The following WDSUB1 variants were observed in gnomAD, a reference collection of about 807,000 sequenced individuals.
WDSUB1 encodes the protein WD repeat, sterile alpha motif and U-box domain containing 1.
A neutral mutation model predicts 53.9 loss-of-function variants in WDSUB1; 49 were observed. That is an observed-to-expected ratio of 0.91 (90% CI 0.72 to 1.15). The LOEUF (loss-of-function observed/expected upper bound fraction) is 1.15, where lower values mean the gene tolerates loss of function less well. Ranked by LOEUF, WDSUB1 falls within the 50% of genes most tolerant of loss-of-function variation. WDSUB1 has a pLI of 0.00. For synonymous variants in WDSUB1, 194 were observed against 200.6 expected (o/e 0.97, Z 0.28); for missense variants, 514 against 562.0 (o/e 0.91, Z 0.86).
At chr2:159,259,774 C>G (rs776862373) in intron 6 of WDSUB1, 36 bp downstream of exon 6, 6 of 1,500,640 alleles carry the variant, frequency 4.0e-6, no homozygotes, top group Non-Finnish European at 5.4e-6. Context: ...ATAAACATAA[C>G]TTTCATAGAT....
intron 9 of WDSUB1, among the ~76,000 whole-genome samples, chr2:159,251,505 G>A (rs1232641313): frequency 3.3e-5 from 5 of 152,022 alleles, no homozygotes; most frequent in Non-Finnish European, 7.4e-5. Flanking sequence ...TCAGGGAAGC[G>A]TTTACTAAAC....
intron 9 of WDSUB1, among the ~76,000 whole-genome samples, chr2:159,253,723 T>C (rs1335400807): frequency 6.6e-6 from 1 of 152,214 alleles, no homozygotes; most frequent in Non-Finnish European, 1.5e-5. Context: ...TTCAATAGCA[T>C]ATATACTCAT....
rs534111298 is a variant in WDSUB1 at position 159,269,462 on chromosome 2, C to T, written c.770+2240G>A. 2.2e-4 allele frequency among the ~76,000 whole-genome samples: 33 copies of T among 152,200 alleles called. No homozygotes were observed. The South Asian group carries it at 4.6e-3, about 21-fold the overall frequency. ...CTGGGATTACAGGCATGAACCACCA[C>T]GCCCTGCCCAATATCATTCCAAGGA... On this transcript the variant is annotated intron_variant, in intron 5 of 10. Transcript: ENST00000359774.
At chr2:159,248,341 C>G (rs776542467) in intron 10 of WDSUB1, 31 bp downstream of exon 10, 12 of 1,600,358 alleles carry the variant, frequency 7.5e-6, no homozygotes, top group Non-Finnish European at 1.0e-5. Context: ...CACAAAACAT[C>G]CCCTGCAACT....
intron 10 of WDSUB1, among the ~76,000 whole-genome samples, chr2:159,243,788 T>C (rs868217932): frequency 6.6e-6 from 1 of 152,162 alleles, no homozygotes; most frequent in African/African-American, 2.4e-5. Context: ...TGCATACATA[T>C]GTTAACCAAA....
chr2:159,245,348 C>T (rs541461261), intron 10 of WDSUB1, among the ~76,000 whole-genome samples: 9 of 151,752 alleles, frequency 5.9e-5, no homozygotes, highest in South Asian at 2.1e-4. Context: ...ACCAACGTGG[C>T]GAAACCCCAT....
chr2:159,282,845 A>G lies in WDSUB1; in HGVS notation c.225T>C (p.Asp75=). The G allele has an allele frequency of 6.2e-7, 1 of 1,614,216 alleles. No individual in the cohort carries two copies. The highest frequency in any genetic ancestry group is 8.5e-7 in the Non-Finnish European group (1 of 1,180,030). The part of the protein sequence containing the change: ...SGHILASCST[D]GTTVLWNTEN... Reference sequence around the variant, plus strand: ...CAGTATTCCATAGGACAGTGGTACCATCTGTTGAACACGATGCCAAAATAT... The same window carrying G: ...CAGTATTCCATAGGACAGTGGTACCGTCTGTTGAACACGATGCCAAAATAT... The change falls in exon 2 of 11, where the codon GAT becomes GAC. Residue 75 remains aspartate, a synonymous_variant. Transcript: ENST00000359774.
chr2:159,248,379 G>T lies in WDSUB1; in HGVS notation c.1266C>A (p.Ile422=). 6.2e-7 allele frequency: 1 copy of T among 1,611,440 alleles called. No homozygotes were observed. Among genetic ancestry groups the T allele is most frequent in the Admixed American group, 1.7e-5 (1 of 59,590 alleles). The change falls in exon 10 of 11, where the codon ATC becomes ATA. Residue 422 remains isoleucine, a synonymous_variant. Transcript: ENST00000359774. Reference sequence around the variant, plus strand: ...GTATAGCATCACACATACCTGATGCGATGACCGGATCTTTCATAAGTTCTC... The same window carrying T: ...GTATAGCATCACACATACCTGATGCTATGACCGGATCTTTCATAAGTTCTC... ...ITRELMKDPV[I]ASDGYSYEKE...
intron 4 of WDSUB1, 96 bp from the exon 5 acceptor site, chr2:159,271,891 CTT>C: frequency 1.0e-6 from 1 of 979,218 alleles, no homozygotes; most frequent in East Asian, 2.7e-5. Context: ...AACAAATAAT[CTT>C]TGAGTGCCTA....
chr2:159,242,114 G>A (rs950803792), intron 10 of WDSUB1, among the ~76,000 whole-genome samples: 2 of 146,526 alleles, frequency 1.4e-5, no homozygotes, highest in Non-Finnish European at 3.0e-5. Flanking sequence ...GCAGTGGCAC[G>A]ATCTCGGCTC....
chr2:159,273,792 T>G (rs2061488039), intron 4 of WDSUB1, among the ~76,000 whole-genome samples: 1 of 152,226 alleles, frequency 6.6e-6, no homozygotes, highest in Non-Finnish European at 1.5e-5. Context: ...TGTCAACATA[T>G]TTTCCAGTAA....
chr2:159,275,713 T>A, intron 3 of WDSUB1, 75 bp from the exon 4 acceptor site: 1 of 1,112,382 alleles, frequency 9.0e-7, no homozygotes, highest in Non-Finnish European at 1.3e-6. Flanking sequence ...TTTCTTATAC[T>A]AAGATCTATT....
chr2:159,248,469 CT>C lies in WDSUB1; in HGVS notation c.1175del (p.Glu392GlyfsTer21). ...LRSKVLRKIEELRTKVKSLSS... is the reference protein window; with the variant it reads ...LRSKVLRKIEXLRTKVKSLSS... ...AAAGGGATTTAACCTTGGTCCTGAGCTCTTCAATTTTCCTCAGCACTTTACT... is the reference window on the plus strand; with the variant it reads ...AAAGGGATTTAACCTTGGTCCTGAGCCTTCAATTTTCCTCAGCACTTTACT... On this transcript the variant is annotated frameshift_variant, in exon 10 of 11. Coordinates refer to ENST00000359774, the MANE Select transcript of WDSUB1 (RefSeq NM_001128212.3). LOFTEE classifies it high-confidence loss of function. 1 of 1,582,498 alleles carries C rather than the reference CT, an allele frequency of 6.3e-7. No individual in the cohort carries two copies.
At chr2:159,278,142 C>A (rs1198228200) in intron 3 of WDSUB1, among the ~76,000 whole-genome samples, 2 of 152,146 alleles carry the variant, frequency 1.3e-5, no homozygotes, top group Non-Finnish European at 1.5e-5. Flanking sequence ...TTATATAATT[C>A]ACCACATTCA....
intron 5 of WDSUB1, among the ~76,000 whole-genome samples, chr2:159,269,989 C>T (rs2061416939): frequency 6.6e-6 from 1 of 152,140 alleles, no homozygotes; most frequent in South Asian, 2.1e-4. Context: ...GTAGTATCAA[C>T]AGTTCAGTAA....
intron 9 of WDSUB1, among the ~76,000 whole-genome samples, chr2:159,255,076 G>A (rs1164155935): frequency 6.6e-6 from 1 of 152,084 alleles, no homozygotes; most frequent in Non-Finnish European, 1.5e-5. Context: ...GCTGTAGTGA[G>A]CTGTGATCGC....
chr2:159,247,894 T>TATATATATATATAAAA (rs1553626820), intron 10 of WDSUB1, among the ~76,000 whole-genome samples: 2 of 43,818 alleles, frequency 4.6e-5, no homozygotes, highest in African/African-American at 1.1e-4. Context: ...TAAATATATA[T>TATATATATATATAAAA]ATATATATAT....
intron 9 of WDSUB1, among the ~76,000 whole-genome samples, chr2:159,255,362 G>A (rs1046561997): frequency 1.3e-5 from 2 of 152,118 alleles, no homozygotes; most frequent in Non-Finnish European, 2.9e-5. Flanking sequence ...AGCTACTCGG[G>A]AGGCTGAGGC....
At chr2:159,258,077 G>A in intron 6 of WDSUB1, 92 bp from the exon 7 acceptor site, 1 of 1,077,872 alleles carries the variant, frequency 9.3e-7, no homozygotes. Flanking sequence ...TGTATACTAA[G>A]TGGATATATT....
Sources: gnomAD v4.1 joint callset for allele counts (sites outside exome capture counted in the v4.1 genomes callset) on GRCh38, gnomAD v4.1.1 for gene constraint, MANE v1.5 for transcripts, NCBI Gene and HGNC (gene_info 2026-07-23, HGNC 2026-07-21) for gene names.